PACSIN2: variants seen among roughly 807,000 people sequenced by gnomAD.
PACSIN2 encodes protein kinase C and casein kinase substrate in neurons protein 2.
A neutral mutation model predicts 63.8 loss-of-function variants in PACSIN2; 25 were observed. The ratio of observed to expected loss-of-function variants is 0.39; its 90% CI spans 0.29 to 0.55. The LOEUF is 0.55. Ranked by LOEUF, PACSIN2 falls within the 20% of genes least tolerant of loss-of-function variation. The pLI is 0.62. For synonymous variants in PACSIN2, 255 were observed against 256.2 expected, an observed-to-expected ratio of 1.00 and a Z score of 0.05; for missense variants, 518 against 646.9, an observed-to-expected ratio of 0.80 and a Z score of 2.16.
chr22:43,014,160 T>A (rs866558172), intron 1 of PACSIN2, among the ~76,000 whole-genome samples: 1 of 151,890 alleles, frequency 6.6e-6, no homozygotes, highest in South Asian at 2.1e-4. Context: ...TCAGGATGCC[T>A]GGCCAGGCTT....
At chr22:42,961,353 T>A (rs917154741) in intron 1 of PACSIN2, among the ~76,000 whole-genome samples, 19 of 152,000 alleles carry the variant, frequency 1.3e-4, no homozygotes, top group African/African-American at 4.6e-4. Flanking sequence ...ACCAGAGACC[T>A]TTGTTCACTT....
At chr22:42,939,140 C>G (rs1933036064) in intron 1 of PACSIN2, among the ~76,000 whole-genome samples, 1 of 152,306 alleles carries the variant, frequency 6.6e-6, no homozygotes, top group Middle Eastern at 3.4e-3. Context: ...AGAGCTGGAG[C>G]TAACAGCGTG....
At chr22:42,883,335 G>A (rs754795487) in intron 6 of PACSIN2, among the ~76,000 whole-genome samples, 11 of 152,214 alleles carry the variant, frequency 7.2e-5, no homozygotes, top group Non-Finnish European at 1.2e-4. Flanking sequence ...TGGCAGAGCA[G>A]CAGCGGTGCA....
At chr22:42,904,717 GC>G (rs5845570) in intron 2 of PACSIN2, among the ~76,000 whole-genome samples, 67,846 of 151,858 alleles carry the variant, frequency 0.45, 15,707 homozygotes, top group Non-Finnish European at 0.48. Flanking sequence ...TGCTTCCACA[GC>G]CCCCCCATAC....
At chr22:43,004,779 T>A (rs1923984954) in intron 1 of PACSIN2, among the ~76,000 whole-genome samples, 1 of 152,178 alleles carries the variant, frequency 6.6e-6, no homozygotes, top group Non-Finnish European at 1.5e-5. Context: ...ACCCTGCAGG[T>A]CCAGGCAGAG....
intron 1 of PACSIN2, among the ~76,000 whole-genome samples, chr22:42,971,744 C>T (rs1379603772): frequency 6.6e-6 from 1 of 151,882 alleles, no homozygotes; most frequent in Non-Finnish European, 1.5e-5. Flanking sequence ...GCAGCCGCCC[C>T]GTCCGGGAGG....
At position 42,923,126 on chromosome 22, in the gene PACSIN2, C is replaced by T. The variant is rs545958768; in HGVS notation, c.-77-10969G>A. Reference sequence around the variant, plus strand: ...CTAATCTGGCATCATAGATAAGCTGCATGGTAACTCAGAGTTTTGTACCCA... The same window carrying T: ...CTAATCTGGCATCATAGATAAGCTGTATGGTAACTCAGAGTTTTGTACCCA... On this transcript the variant is annotated intron_variant, in intron 1 of 10. Coordinates refer to ENST00000263246, the MANE Select transcript of PACSIN2 (RefSeq NM_001184970.3). Among the ~76,000 whole-genome samples, 13 of 152,324 alleles carry T rather than the reference C, an allele frequency of 8.5e-5. No homozygotes were observed. The East Asian group carries it at 2.1e-3, about 25-fold the overall frequency.
intron 1 of PACSIN2, among the ~76,000 whole-genome samples, chr22:42,950,880 T>C (rs1366889737): frequency 6.6e-6 from 1 of 151,802 alleles, no homozygotes; most frequent in African/African-American, 2.4e-5. Context: ...TATATTCCAG[T>C]AGGGGTCAGG....
intron 1 of PACSIN2, among the ~76,000 whole-genome samples, chr22:42,938,071 C>T (rs1371862482): frequency 1.3e-5 from 2 of 152,120 alleles, no homozygotes; most frequent in Admixed American, 6.5e-5. Flanking sequence ...GATGACAGCC[C>T]TAAAAACGAC....
chr22:42,936,913 A>G (rs1932938153), intron 1 of PACSIN2, among the ~76,000 whole-genome samples: 1 of 127,806 alleles, frequency 7.8e-6, no homozygotes, highest in Non-Finnish European at 1.8e-5. Context: ...TCTGCCTCAA[A>G]AAAAGGGGGG....
intron 1 of PACSIN2, among the ~76,000 whole-genome samples, chr22:43,013,802 G>A (rs1237487234): frequency 6.6e-6 from 1 of 152,182 alleles, no homozygotes; most frequent in East Asian, 1.9e-4. Context: ...GCAGTATTTG[G>A]TAAACAGTGT....
chr22:42,898,228 G>C (rs1175843842), intron 2 of PACSIN2, among the ~76,000 whole-genome samples: 1 of 151,920 alleles, frequency 6.6e-6, no homozygotes, highest in Non-Finnish European at 1.5e-5. Context: ...CAGCACCCCT[G>C]CCTTCTCCAG....
At chr22:42,916,415 G>A (rs559935310) in intron 1 of PACSIN2, among the ~76,000 whole-genome samples, 2 of 145,464 alleles carry the variant, frequency 1.4e-5, no homozygotes, top group East Asian at 4.0e-4. Flanking sequence ...GGGTGGGGAT[G>A]GGGGGTGGGG....
At chr22:42,897,109 G>A (rs889154660) in intron 2 of PACSIN2, among the ~76,000 whole-genome samples, 2 of 151,904 alleles carry the variant, frequency 1.3e-5, no homozygotes, top group African/African-American at 2.4e-5. Context: ...GCTAATTTTT[G>A]TATTTTTTGC....
chr22:42,876,053 T>C, intron 10 of PACSIN2, 84 bp downstream of exon 10: 1 of 1,227,858 alleles, frequency 8.1e-7, no homozygotes, highest in South Asian at 1.5e-5. Context: ...CAAGAACTTT[T>C]CCAGACTTAA....
At chr22:42,980,633 C>G (rs1347889771) in intron 1 of PACSIN2, among the ~76,000 whole-genome samples, 1 of 126,360 alleles carries the variant, frequency 7.9e-6, no homozygotes, top group African/African-American at 3.0e-5. Flanking sequence ...ATTGCAGGCG[C>G]GCGCCGCCAC....
At chr22:42,935,016 C>T (rs973943275) in intron 1 of PACSIN2, among the ~76,000 whole-genome samples, 2 of 151,992 alleles carry the variant, frequency 1.3e-5, no homozygotes, top group East Asian at 3.9e-4. Flanking sequence ...CCCAGGTTCA[C>T]GCCATTCTCC....
At chr22:42,982,841 T>C (rs1261187352) in intron 1 of PACSIN2, among the ~76,000 whole-genome samples, 3 of 98,548 alleles carry the variant, frequency 3.0e-5, no homozygotes, top group African/African-American at 7.7e-5. Context: ...CAAATCCCCC[T>C]CTGCGAGAAA....
At chr22:42,913,962 A>G (rs1464745739) in intron 1 of PACSIN2, among the ~76,000 whole-genome samples, 1 of 152,240 alleles carries the variant, frequency 6.6e-6, no homozygotes, top group African/African-American at 2.4e-5. Context: ...AGGTAAACAC[A>G]CTGCTGTGCA....
Sources: gnomAD v4.1 joint callset for allele counts (sites outside exome capture counted in the v4.1 genomes callset) on GRCh38, gnomAD v4.1.1 for gene constraint, MANE v1.5 for transcripts, NCBI Gene and HGNC (gene_info 2026-07-23, HGNC 2026-07-21) for gene names.